KIAA1549: variants seen among roughly 807,000 people sequenced by gnomAD.
The protein encoded by KIAA1549 is UPF0606 protein KIAA1549.
KIAA1549 carries 70 observed loss-of-function variants against 156.4 expected under a neutral mutation model. The ratio of observed to expected loss-of-function variants is 0.45; its 90% CI spans 0.37 to 0.55. The LOEUF (loss-of-function observed/expected upper bound fraction) is 0.55. Among genes scored for constraint, KIAA1549 ranks in the 20% least tolerant of loss-of-function variants. KIAA1549 has a pLI of 0.00. For synonymous variants in KIAA1549, 1,103 were observed against 1,066.4 expected (o/e 1.03, Z -0.67); for missense variants, 2,428 against 2,540.9 (o/e 0.96, Z 0.96).
intron 2 of KIAA1549, among the ~76,000 whole-genome samples, chr7:138,914,988 G>C (rs1256770072): frequency 6.6e-6 from 1 of 152,218 alleles, no homozygotes; most frequent in African/African-American, 2.4e-5. Context: ...TAAGAAGGAA[G>C]AAAAGTATCA....
At chr7:138,974,304 G>A (rs2130576698) in intron 1 of KIAA1549, among the ~76,000 whole-genome samples, 1 of 152,174 alleles carries the variant, frequency 6.6e-6, no homozygotes, top group South Asian at 2.1e-4. Context: ...TCGGTGAGGT[G>A]GAGGGTGGCG....
intron 1 of KIAA1549, among the ~76,000 whole-genome samples, chr7:138,958,340 T>C (rs989244066): frequency 3.3e-5 from 5 of 152,152 alleles, no homozygotes; most frequent in African/African-American, 1.2e-4. Flanking sequence ...GACGGGCAAC[T>C]ATCCCAAGCC....
intron 6 of KIAA1549, 65 bp downstream of exon 6, chr7:138,906,853 GA>G (rs1410242181): frequency 1.6e-6 from 2 of 1,221,406 alleles, no homozygotes; most frequent in African/African-American, 3.1e-5. Context: ...AAAATTTTAA[GA>G]AGAGGTCTTC....
rs565803705 is a variant in KIAA1549 at position 138,904,972 on chromosome 7, T to C, written c.3520+50A>G. 6.6e-5 allele frequency: 78 copies of C among 1,175,690 alleles called. No homozygotes were observed. The East Asian group carries it at 1.9e-3, about 28-fold the overall frequency. 72.8% of individuals were successfully genotyped at this position (1,175,690 alleles called of 1,614,324 possible). On this transcript the variant is annotated intron_variant, in intron 7 of 19. Coordinates refer to ENST00000422774, the MANE Select transcript of KIAA1549 (RefSeq NM_001164665.2). ...CAGCATCATTCTCAATACGCCTGCA[T>C]AGACTTCTTCTCCTTACAGTTCCCA...
At chr7:138,900,288 C>A (rs1811805275) in intron 8 of KIAA1549, among the ~76,000 whole-genome samples, 1 of 152,210 alleles carries the variant, frequency 6.6e-6, no homozygotes, top group Non-Finnish European at 1.5e-5. Context: ...CCTCAACAAT[C>A]TGTTCTTTAT....
At chr7:138,911,101 G>T in intron 4 of KIAA1549, 45 bp downstream of exon 4, 3 of 1,209,950 alleles carry the variant, frequency 2.5e-6, no homozygotes, top group South Asian at 1.7e-5. Context: ...AAAAAAAAAT[G>T]AAATTCTTTT....
intron 1 of KIAA1549, among the ~76,000 whole-genome samples, chr7:138,965,578 G>A (rs933830532): frequency 3.3e-5 from 5 of 152,168 alleles, no homozygotes; most frequent in African/African-American, 1.2e-4. Context: ...CATCCACAGC[G>A]TCGAATAAAA....
At chr7:138,971,936 A>C (rs1366099511) in intron 1 of KIAA1549, among the ~76,000 whole-genome samples, 1 of 152,200 alleles carries the variant, frequency 6.6e-6, no homozygotes, top group African/African-American at 2.4e-5. Context: ...TCAAGCAAGG[A>C]GGAAGGGACG....
chr7:138,930,803 C>T (rs1812846982), intron 1 of KIAA1549, among the ~76,000 whole-genome samples: 1 of 152,242 alleles, frequency 6.6e-6, no homozygotes, highest in African/African-American at 2.4e-5. Flanking sequence ...CGTTGTGGTA[C>T]TACTTTTAAT....
intron 12 of KIAA1549, among the ~76,000 whole-genome samples, chr7:138,878,029 G>A (rs919770830): frequency 2.6e-5 from 4 of 152,190 alleles, no homozygotes; most frequent in Admixed American, 6.5e-5. Context: ...GGATCAAAAC[G>A]AGATTCTAAT....
intron 9 of KIAA1549, among the ~76,000 whole-genome samples, chr7:138,895,018 G>A (rs575630708): frequency 9.2e-5 from 14 of 152,306 alleles, no homozygotes; most frequent in Admixed American, 9.2e-4. Context: ...TCAACTAGGA[G>A]TTTATGGAAG....
chr7:138,904,089 A>G (rs1811940401), intron 7 of KIAA1549, among the ~76,000 whole-genome samples: 1 of 152,116 alleles, frequency 6.6e-6, no homozygotes. Context: ...AAGATCAAAC[A>G]TTTTGTCTGC....
At chr7:138,849,628 A>T (rs1810180239) in intron 17 of KIAA1549, among the ~76,000 whole-genome samples, 1 of 151,788 alleles carries the variant, frequency 6.6e-6, no homozygotes, top group Non-Finnish European at 1.5e-5. Context: ...CTCAAGTCAC[A>T]GGGGTTTGTG....
chr7:138,980,326 A>C (rs1164814215), intron 1 of KIAA1549, among the ~76,000 whole-genome samples: 1 of 152,246 alleles, frequency 6.6e-6, no homozygotes, highest in Admixed American at 6.5e-5. Context: ...TAGGAATTAA[A>C]TCATTTCTTC....
chr7:138,866,316 A>G (rs1278162230), intron 15 of KIAA1549, among the ~76,000 whole-genome samples: 1 of 152,246 alleles, frequency 6.6e-6, no homozygotes, highest in African/African-American at 2.4e-5. Context: ...GCCCCATCCC[A>G]GTATAATGTT....
At chr7:138,908,140 T>C (rs1397588613) in intron 5 of KIAA1549, among the ~76,000 whole-genome samples, 1 of 152,096 alleles carries the variant, frequency 6.6e-6, no homozygotes, top group African/African-American at 2.4e-5. Context: ...TGGTTCTTCA[T>C]TCCTAACAAC....
chr7:138,893,970 C>T (rs1192056116), intron 10 of KIAA1549, among the ~76,000 whole-genome samples: 3 of 152,160 alleles, frequency 2.0e-5, no homozygotes, highest in East Asian at 1.9e-4. Context: ...ATTCGGAGAC[C>T]GAGGCAGGAG....
intron 1 of KIAA1549, among the ~76,000 whole-genome samples, chr7:138,954,057 G>A (rs1035211020): frequency 3.4e-5 from 2 of 59,284 alleles, no homozygotes; most frequent in South Asian, 1.1e-3. Context: ...CTAGCAAGGC[G>A]CTAGGCTAGT....
chr7:138,940,476 C>A (rs1456380462), intron 1 of KIAA1549, among the ~76,000 whole-genome samples: 1 of 150,646 alleles, frequency 6.6e-6, no homozygotes, highest in South Asian at 2.2e-4. Context: ...AATAAACATA[C>A]GTGTGCATGT....
Sources: gnomAD v4.1 joint callset for allele counts (sites outside exome capture counted in the v4.1 genomes callset) on GRCh38, gnomAD v4.1.1 for gene constraint, MANE v1.5 for transcripts, NCBI Gene and HGNC (gene_info 2026-07-23, HGNC 2026-07-21) for gene names.